Variants in CUL2 observed in about 807,000 individuals in gnomAD.
CUL2 encodes cullin-2.
CUL2 carries 22 observed loss-of-function variants against 110.2 expected under a neutral mutation model. The ratio of observed to expected loss-of-function variants is 0.20; its 90% CI spans 0.14 to 0.28. The LOEUF (loss-of-function observed/expected upper bound fraction) is 0.28. CUL2 is among the 10% of genes least tolerant of loss of function. The pLI, the probability that CUL2 is intolerant of heterozygous loss-of-function variation, is 1.00. For missense variants in CUL2, 631 were observed against 905.5 expected (o/e 0.70, Z 3.89); for synonymous variants, 279 against 293.2 (o/e 0.95, Z 0.49).
At chr10:35,096,569 T>C (rs1405004426) in intron 2 of CUL2, among the ~76,000 whole-genome samples, 3 of 152,148 alleles carry the variant, frequency 2.0e-5, no homozygotes, top group Non-Finnish European at 2.9e-5. Flanking sequence ...GCTGTGATTA[T>C]GCCACTGCAC....
intron 5 of CUL2, among the ~76,000 whole-genome samples, chr10:35,050,306 G>A (rs1341345779): frequency 6.7e-6 from 1 of 149,810 alleles, no homozygotes; most frequent in Non-Finnish European, 1.5e-5. Context: ...GGTGACAACA[G>A]TGCGAGACTC....
At chr10:35,117,528 CT>C (rs5784440) in intron 1 of CUL2, among the ~76,000 whole-genome samples, 4,829 of 137,888 alleles carry the variant, frequency 0.035, 172 homozygotes, top group African/African-American at 0.1. Context: ...CTGCAACTGG[CT>C]TTTTTTTTTT....
intron 4 of CUL2, among the ~76,000 whole-genome samples, chr10:35,056,053 T>G (rs1387942678): frequency 6.6e-6 from 1 of 152,214 alleles, no homozygotes; most frequent in Non-Finnish European, 1.5e-5. Flanking sequence ...CACAACTGTT[T>G]TACTTTCTTC....
chr10:35,103,315 T>TTA (rs1554871775), intron 1 of CUL2, among the ~76,000 whole-genome samples: 1,303 of 108,938 alleles, frequency 0.012, 27 homozygotes, highest in African/African-American at 0.048. Flanking sequence ...CTAATTTTTT[T>TTA]TTTTTTTTTT....
chr10:35,021,130 C>T (rs1177738882), intron 17 of CUL2, among the ~76,000 whole-genome samples: 1 of 151,972 alleles, frequency 6.6e-6, no homozygotes, highest in Non-Finnish European at 1.5e-5. Flanking sequence ...AGAGCTTCAA[C>T]AGAAGACTTT....
intron 2 of CUL2, among the ~76,000 whole-genome samples, chr10:35,065,924 T>C (rs1361542716): frequency 1.3e-5 from 2 of 152,172 alleles, no homozygotes; most frequent in Non-Finnish European, 2.9e-5. Context: ...ACTAGACTTA[T>C]CTTTTCCTAA....
chr10:35,108,138 C>T (rs2087485819), intron 1 of CUL2, among the ~76,000 whole-genome samples: 1 of 151,786 alleles, frequency 6.6e-6, no homozygotes, highest in South Asian at 2.1e-4. Flanking sequence ...AGTTAAGAGG[C>T]TATTGCACCT....
chr10:35,089,130 G>A (rs541071202), intron 1 of CUL2, among the ~76,000 whole-genome samples: 1 of 152,278 alleles, frequency 6.6e-6, no homozygotes, highest in South Asian at 2.1e-4. Flanking sequence ...AGCCGAGATC[G>A]CACCACTGCA....
intron 2 of CUL2, among the ~76,000 whole-genome samples, chr10:35,097,417 G>C (rs1362861194): frequency 6.7e-6 from 1 of 150,044 alleles, no homozygotes; most frequent in African/African-American, 2.4e-5. Context: ...TTGAGTTCAG[G>C]AGATTGAGAT....
intron 2 of CUL2, among the ~76,000 whole-genome samples, chr10:35,068,853 T>C (rs2086606204): frequency 6.6e-6 from 1 of 152,100 alleles, no homozygotes; most frequent in Admixed American, 6.5e-5. Flanking sequence ...CTTATAACAA[T>C]TAGTAGCATA....
At chr10:35,126,317 TTG>T (rs1406482386) in intron 1 of CUL2, among the ~76,000 whole-genome samples, 1 of 152,204 alleles carries the variant, frequency 6.6e-6, no homozygotes, top group Non-Finnish European at 1.5e-5. Flanking sequence ...AGCAGGTGAA[TTG>T]TCTCAGGAGC....
chr10:35,102,290 G>A (rs1279251236), intron 1 of CUL2, among the ~76,000 whole-genome samples: 2 of 151,978 alleles, frequency 1.3e-5, no homozygotes, highest in East Asian at 1.9e-4. Flanking sequence ...ATAAGAAACA[G>A]GCTGGGTGCT....
chr10:35,110,256 C>A (rs1278094804), intron 1 of CUL2, among the ~76,000 whole-genome samples: 1 of 152,142 alleles, frequency 6.6e-6, no homozygotes, highest in Non-Finnish European at 1.5e-5. Context: ...ATGCCACAGA[C>A]TGGGTGGATT....
chr10:35,119,592 A>ATTTATTTATTTC (rs1384231723), intron 1 of CUL2, among the ~76,000 whole-genome samples: 9 of 149,664 alleles, frequency 6.0e-5, no homozygotes, highest in African/African-American at 2.2e-4. Flanking sequence ...TTATTTATTT[A>ATTTATTTATTTC]TTTATTTATT....
intron 6 of CUL2, among the ~76,000 whole-genome samples, chr10:35,047,227 T>G (rs2085966017): frequency 6.6e-6 from 1 of 152,180 alleles, no homozygotes; most frequent in East Asian, 1.9e-4. Flanking sequence ...TCAGAAACCC[T>G]ACCTCAACCT....
At chr10:35,081,757 G>T (rs1431692533) in intron 1 of CUL2, among the ~76,000 whole-genome samples, 1 of 152,112 alleles carries the variant, frequency 6.6e-6, no homozygotes, top group Non-Finnish European at 1.5e-5. Context: ...GCCAGGTGTG[G>T]TGGCATGCAC....
intron 1 of CUL2, among the ~76,000 whole-genome samples, chr10:35,084,000 G>A (rs141378448): frequency 8.4e-4 from 128 of 152,312 alleles, no homozygotes; most frequent in African/African-American, 3.0e-3. Flanking sequence ...AAAGAGGCCA[G>A]GCACAGTGGC....
chr10:35,120,853 G>A (rs2087669302), intron 1 of CUL2, among the ~76,000 whole-genome samples: 1 of 151,890 alleles, frequency 6.6e-6, no homozygotes, highest in Non-Finnish European at 1.5e-5. Context: ...CCAAGATCAT[G>A]CCACTGCAAT....
intron 1 of CUL2, among the ~76,000 whole-genome samples, chr10:35,088,781 T>C (rs919201644): frequency 6.6e-6 from 1 of 152,086 alleles, no homozygotes; most frequent in Non-Finnish European, 1.5e-5. Flanking sequence ...ATCCAAATAC[T>C]CAAAAAGCAA....
Sources: allele counts gnomAD v4.1 joint callset (sites outside exome capture counted in the v4.1 genomes callset), GRCh38; gene constraint gnomAD v4.1.1; transcripts MANE v1.5; gene names NCBI Gene and HGNC (gene_info 2026-07-23, HGNC 2026-07-21).